WASHC3: variants seen among roughly 807,000 people sequenced by gnomAD.
The protein encoded by WASHC3 is WASH complex subunit 3.
Under a neutral mutation model 26.1 loss-of-function variants are expected in WASHC3, and 24 were observed. That is an observed-to-expected ratio of 0.92 (90% CI 0.66 to 1.29). The LOEUF is 1.29. WASHC3 is among the 50% of genes most tolerant of loss of function. The probability of loss-of-function intolerance (pLI) is 0.00; values close to 1 mark genes in which losing one functional copy is unlikely to be tolerated. For synonymous variants in WASHC3, 77 were observed against 75.7 expected (o/e 1.02, Z -0.09); for missense variants, 214 against 229.6 (o/e 0.93, Z 0.44).
At chr12:102,021,373 T>A (rs904755907) in intron 6 of WASHC3, among the ~76,000 whole-genome samples, 1 of 152,228 alleles carries the variant, frequency 6.6e-6, no homozygotes, top group Non-Finnish European at 1.5e-5. Context: ...CTAGGTAGGA[T>A]GGACTTTTGC....
chr12:102,053,670 G>A (rs1454353534), intron 2 of WASHC3, among the ~76,000 whole-genome samples: 1 of 151,794 alleles, frequency 6.6e-6, no homozygotes, highest in Non-Finnish European at 1.5e-5. Context: ...AAAATTCAGA[G>A]AAACAATTCA....
intron 2 of WASHC3, among the ~76,000 whole-genome samples, chr12:102,049,012 G>T (rs751597028): frequency 6.6e-6 from 1 of 152,204 alleles, no homozygotes; most frequent in East Asian, 1.9e-4. Context: ...GTATACCTGG[G>T]TTCATTTATG....
intron 6 of WASHC3, among the ~76,000 whole-genome samples, chr12:102,014,653 A>C (rs1405141557): frequency 6.6e-6 from 1 of 152,190 alleles, no homozygotes; most frequent in Non-Finnish European, 1.5e-5. Context: ...ACAATTTTAG[A>C]TTATATCTAC....
chr12:102,061,784 C>T (rs547777052), intron 1 of WASHC3, 128 bp downstream of exon 1: 3 of 724,614 alleles, frequency 4.1e-6, no homozygotes, highest in Non-Finnish European at 4.6e-6. Flanking sequence ...TGAGGCCCCA[C>T]AGGCCTGTCA....
chr12:102,060,813 G>A (rs1415635010), intron 2 of WASHC3, among the ~76,000 whole-genome samples: 1 of 151,778 alleles, frequency 6.6e-6, no homozygotes, highest in Non-Finnish European at 1.5e-5. Context: ...AAATTAGCCA[G>A]GCATGGTGGC....
chr12:102,061,572 G>A (rs1269759436), intron 1 of WASHC3, among the ~76,000 whole-genome samples: 1 of 152,192 alleles, frequency 6.6e-6, no homozygotes, highest in Non-Finnish European at 1.5e-5. Flanking sequence ...TACGAATTTT[G>A]GCAGGCAAAA....
At chr12:102,037,349 T>G (rs1448803887) in intron 5 of WASHC3, among the ~76,000 whole-genome samples, 1 of 152,104 alleles carries the variant, frequency 6.6e-6, no homozygotes, top group East Asian at 1.9e-4. Flanking sequence ...ATAAAATATG[T>G]AGAATGCTGG....
At chr12:102,018,308 A>G (rs1246624593) in intron 6 of WASHC3, among the ~76,000 whole-genome samples, 2 of 152,184 alleles carry the variant, frequency 1.3e-5, no homozygotes, top group Non-Finnish European at 1.5e-5. Flanking sequence ...TCTGCTTTCA[A>G]TTCTTTTGGG....
At chr12:102,017,445 G>A (rs1465801560) in intron 6 of WASHC3, among the ~76,000 whole-genome samples, 1 of 152,210 alleles carries the variant, frequency 6.6e-6, no homozygotes, top group Non-Finnish European at 1.5e-5. Flanking sequence ...AAACACTTGC[G>A]AAGAGTTTTG....
chr12:102,061,980 G>A lies in WASHC3; in HGVS notation c.-18C>T. ...TCATCCATCTCCTCAGCGGGCGGTG[G>A]ACCCCGAGTTCACCCACAAACCCCT... On this transcript the variant is annotated 5_prime_UTR_variant, in exon 1 of 7. Coordinates refer to ENST00000240079, the MANE Select transcript of WASHC3 (RefSeq NM_016053.4). 1.9e-6 allele frequency: 3 copies of A among 1,587,356 alleles called. No individual in the cohort carries two copies. Among genetic ancestry groups the A allele is most frequent in the Non-Finnish European group, 2.6e-6 (3 of 1,165,306 alleles).
chr12:102,022,089 G>T (rs1288997798), intron 6 of WASHC3, among the ~76,000 whole-genome samples: 1 of 152,134 alleles, frequency 6.6e-6, no homozygotes, highest in Non-Finnish European at 1.5e-5. Flanking sequence ...AAATCAATAA[G>T]CTGCACACTG....
intron 6 of WASHC3, among the ~76,000 whole-genome samples, chr12:102,023,999 G>A (rs1186500371): frequency 6.6e-6 from 1 of 152,136 alleles, no homozygotes; most frequent in Non-Finnish European, 1.5e-5. Context: ...ATACCTGATG[G>A]AGTCTTAAAG....
intron 2 of WASHC3, among the ~76,000 whole-genome samples, chr12:102,056,385 C>T (rs1878593551): frequency 6.6e-6 from 1 of 152,078 alleles, no homozygotes; most frequent in Admixed American, 6.5e-5. Context: ...TAAATTTGGC[C>T]CTTTTGACAG....
chr12:102,053,839 T>G (rs554288760), intron 2 of WASHC3, among the ~76,000 whole-genome samples: 2 of 152,344 alleles, frequency 1.3e-5, no homozygotes, highest in South Asian at 2.1e-4. Flanking sequence ...AAATCACTTA[T>G]ATCTTTAGTA....
chr12:102,017,213 A>G (rs1459652550), intron 6 of WASHC3, among the ~76,000 whole-genome samples: 1 of 152,084 alleles, frequency 6.6e-6, no homozygotes, highest in Non-Finnish European at 1.5e-5. Context: ...TATGCTGTAC[A>G]GGTTTATAGC....
At chr12:102,062,016 GC>G (rs2136701057), upstream of WASHC3, 2 of 1,474,954 alleles carry the variant, frequency 1.4e-6, no homozygotes, top group Non-Finnish European at 1.9e-6. Context: ...CCCAGATGGG[GC>G]CCGCCCAACC....
Position 102,059,570 on chromosome 12 carries a change from T to C in WASHC3, c.150+1678A>G, listed in dbSNP as rs150753798. ...ACTATTGTTTTCTTTGATCTAGTTG[T>C]CAGTAAACAGCTCTCATTCAAGAAC... On this transcript the variant is annotated intron_variant, in intron 2 of 6. Transcript: ENST00000240079. 513 of 152,198 alleles carry C rather than the reference T, an allele frequency of 3.4e-3. 4 individuals carry two copies. Among genetic ancestry groups the C allele is most frequent in the African/African-American group, 0.012 (496 of 41,500 alleles). The allele number at this position is 152,198 out of a possible 1,614,324, so 9.4% of individuals were successfully genotyped here.
Position 102,059,280 on chromosome 12 carries a change from T to A in WASHC3, c.150+1968A>T, listed in dbSNP as rs541222388. 3.4e-4 allele frequency among the ~76,000 whole-genome samples: 52 copies of A among 152,318 alleles called. No homozygotes were observed. The South Asian group carries it at 0.01, about 30-fold the overall frequency. ...GGCCATTCCACAATGTATTCATATA[T>A]CAAAACATCATGTTGTACATCATAA... On this transcript the variant is annotated intron_variant, in intron 2 of 6. Coordinates refer to ENST00000240079, the MANE Select transcript of WASHC3 (RefSeq NM_016053.4).
chr12:102,016,355 C>T (rs1293822106), intron 6 of WASHC3, among the ~76,000 whole-genome samples: 1 of 151,808 alleles, frequency 6.6e-6, no homozygotes, highest in Non-Finnish European at 1.5e-5. Context: ...CAGGCATGCA[C>T]CACCATGCCC....
Sources: gnomAD v4.1 joint callset for allele counts (sites outside exome capture counted in the v4.1 genomes callset) on GRCh38, gnomAD v4.1.1 for gene constraint, MANE v1.5 for transcripts, NCBI Gene and HGNC (gene_info 2026-07-23, HGNC 2026-07-21) for gene names.